The following CLDN14 variants were observed in gnomAD, a reference collection of about 807,000 sequenced individuals.
CLDN14 encodes claudin-14.
CLDN14 carries 2 observed loss-of-function variants against 2.1 expected under a neutral mutation model. The observed-to-expected ratio is 0.96, with a 90% CI of 0.39 to 3.01. CLDN14 has a LOEUF of 3.01. Ranked by LOEUF, CLDN14 falls within the 30% of genes most tolerant of loss-of-function variation. The pLI, the probability that CLDN14 is intolerant of heterozygous loss-of-function variation, is 0.09. For synonymous variants in CLDN14, 136 were observed against 154.4 expected, an observed-to-expected ratio of 0.88 and a Z score of 0.88; for missense variants, 298 against 328.0, an observed-to-expected ratio of 0.91 and a Z score of 0.71.
At chr21:36,565,431 T>TTC (rs386394692) in intron 1 of CLDN14, among the ~76,000 whole-genome samples, 1 of 151,890 alleles carries the variant, frequency 6.6e-6, no homozygotes, top group Non-Finnish European at 1.5e-5. Flanking sequence ...CTTTTTTTTT[T>TTC]TAAATATGCA....
At chr21:36,518,071 TACGTAC>T (rs1271861017) in intron 1 of CLDN14, among the ~76,000 whole-genome samples, 1 of 68,172 alleles carries the variant, frequency 1.5e-5, no homozygotes, top group Non-Finnish European at 3.2e-5. Flanking sequence ...TCCACTTACA[TACGTAC>T]ACACACACAC....
intron 1 of CLDN14, among the ~76,000 whole-genome samples, chr21:36,462,938 C>CA (rs1417874660): frequency 1.9e-5 from 2 of 104,900 alleles, no homozygotes; most frequent in Non-Finnish European, 3.9e-5. Context: ...AACAAGCAAA[C>CA]AAACAAAAAA....
At chr21:36,565,809 C>T (rs1335184393) in intron 1 of CLDN14, among the ~76,000 whole-genome samples, 2 of 152,310 alleles carry the variant, frequency 1.3e-5, no homozygotes, top group African/African-American at 2.4e-5. Flanking sequence ...GTTCTCTCAT[C>T]CCCCTTGCCA....
chr21:36,571,255 C>T (rs1333049330), intron 1 of CLDN14, among the ~76,000 whole-genome samples: 1 of 152,136 alleles, frequency 6.6e-6, no homozygotes, highest in Admixed American at 6.5e-5. Context: ...AAAAATAAGC[C>T]GGTTAGAGCA....
At chr21:36,540,664 G>A (rs1020657528) in intron 1 of CLDN14, among the ~76,000 whole-genome samples, 1 of 146,168 alleles carries the variant, frequency 6.8e-6, no homozygotes, top group Non-Finnish European at 1.5e-5. Context: ...GGGAGGGACT[G>A]GGGGGCAGGG....
At chr21:36,501,571 C>A (rs980156190) in intron 2 of CLDN14, among the ~76,000 whole-genome samples, 23 of 151,790 alleles carry the variant, frequency 1.5e-4, no homozygotes, top group African/African-American at 5.3e-4. Context: ...AGGGAACAAG[C>A]CCAAAAGCTC....
chr21:36,542,215 G>A (rs967399111), intron 1 of CLDN14, among the ~76,000 whole-genome samples: 2 of 152,062 alleles, frequency 1.3e-5, no homozygotes, highest in African/African-American at 4.8e-5. Context: ...CGCCCGCCTC[G>A]ACCTCCTAAA....
chr21:36,567,692 G>A (rs1340758934), intron 1 of CLDN14, among the ~76,000 whole-genome samples: 1 of 152,098 alleles, frequency 6.6e-6, no homozygotes, highest in African/African-American at 2.4e-5. Flanking sequence ...ATCCACTTTG[G>A]CTGTTCTTCA....
chr21:36,543,525 A>G (rs757492450), intron 1 of CLDN14, among the ~76,000 whole-genome samples: 16 of 152,226 alleles, frequency 1.1e-4, no homozygotes, highest in Non-Finnish European at 2.1e-4. Context: ...TAAGTATGTT[A>G]TCATTTGATA....
Position 36,461,028 on chromosome 21 carries a change from G to A in CLDN14, c.668C>T (p.Pro223Leu). Residue 223 changes from proline to leucine, a missense_variant, in exon 2 of 2, where the codon CCC becomes CTC. Physicochemically the swap from Pro to Leu is moderately conservative, Grantham distance 98. Transcript: ENST00000399135. The stretch of plus-strand genomic sequence containing the variant: ...GCTGTGCGTGGCCGAGGTCACTGAG[G>A]GGGCCCGATTGTCTTTGTAGGCAGC... ...PPAAYKDNRA[P>L]SVTSATHSGY... 1.2e-6 allele frequency: 2 copies of A among 1,613,640 alleles called. No individual in the cohort carries two copies. Among genetic ancestry groups the A allele is most frequent in the South Asian group, 1.1e-5 (1 of 91,060 alleles).
At chr21:36,491,651 T>C (rs904564830) in intron 2 of CLDN14, among the ~76,000 whole-genome samples, 1 of 151,950 alleles carries the variant, frequency 6.6e-6, no homozygotes, top group African/African-American at 2.4e-5. Context: ...AATAAGCAAA[T>C]GGTCATAAAA....
At chr21:36,517,666 A>G (rs1016647215) in intron 1 of CLDN14, among the ~76,000 whole-genome samples, 11 of 152,354 alleles carry the variant, frequency 7.2e-5, no homozygotes, top group African/African-American at 1.7e-4. Flanking sequence ...CCTGCACAAT[A>G]GAGCTCAAGG....
intron 1 of CLDN14, among the ~76,000 whole-genome samples, chr21:36,517,365 C>A (rs1168104404): frequency 6.6e-6 from 1 of 152,100 alleles, no homozygotes; most frequent in African/African-American, 2.4e-5. Context: ...ATTGTCTGGC[C>A]CTTTACAGTA....
chr21:36,548,329 G>A (rs1302359088), intron 1 of CLDN14, among the ~76,000 whole-genome samples: 3 of 152,154 alleles, frequency 2.0e-5, no homozygotes, highest in African/African-American at 7.2e-5. Context: ...CATGAGCTCT[G>A]GAAGCAGCAT....
At chr21:36,558,064 T>A (rs917855756) in intron 1 of CLDN14, among the ~76,000 whole-genome samples, 1 of 152,218 alleles carries the variant, frequency 6.6e-6, no homozygotes, top group South Asian at 2.1e-4. Context: ...GGTATTACTG[T>A]CACCCTTGTC....
intron 1 of CLDN14, among the ~76,000 whole-genome samples, chr21:36,565,792 TA>T (rs1158558081): frequency 1.3e-5 from 2 of 152,182 alleles, no homozygotes; most frequent in Non-Finnish European, 2.9e-5. Context: ...GCTGGTGCTA[TA>T]AAAAAGTTCT....
intron 1 of CLDN14, among the ~76,000 whole-genome samples, chr21:36,540,795 C>T (rs1183070879): frequency 6.6e-6 from 1 of 152,112 alleles, no homozygotes; most frequent in Non-Finnish European, 1.5e-5. Context: ...GATGTTTATT[C>T]TAAGGGAAGA....
intron 1 of CLDN14, among the ~76,000 whole-genome samples, chr21:36,519,132 C>T (rs766535564): frequency 1.5e-4 from 23 of 152,216 alleles, no homozygotes; most frequent in Non-Finnish European, 3.1e-4. Context: ...ATTGGTTACA[C>T]GCCCCATTTT....
rs907544209 is a variant in CLDN14 at position 36,461,336 on chromosome 21, G to A, written c.360C>T (p.Leu120=). 32 of 1,613,576 alleles carry A rather than the reference G, an allele frequency of 2.0e-5. No homozygotes were observed. Among genetic ancestry groups the A allele is most frequent in the Non-Finnish European group, 2.3e-5 (27 of 1,179,974 alleles). The change falls in exon 2 of 2, where the codon CTC becomes CTT. Residue 120 remains leucine (L), a synonymous_variant. Transcript: ENST00000399135. ...CGGCCAGGATGAAGAGGGTGCCGCC[G>A]AGGATGGCAAAGGTGGTCTTGGCGG... ...GTPAKTTFAI[L]GGTLFILAGL... is the part of the protein sequence containing the mutation.
Sources: gnomAD v4.1 joint callset for allele counts (sites outside exome capture counted in the v4.1 genomes callset) on GRCh38, gnomAD v4.1.1 for gene constraint, MANE v1.5 for transcripts, NCBI Gene and HGNC (gene_info 2026-07-23, HGNC 2026-07-21) for gene names.